ISG20: variants seen among roughly 807,000 people sequenced by gnomAD.
ISG20 encodes interferon-stimulated gene 20 kDa protein.
A neutral mutation model predicts 11.1 loss-of-function variants in ISG20; 8 were observed. The ratio of observed to expected loss-of-function variants is 0.72; its 90% CI spans 0.42 to 1.30. The LOEUF (loss-of-function observed/expected upper bound fraction) is 1.30. Among genes scored for constraint, ISG20 ranks in the 50% most tolerant of loss-of-function variants. ISG20 has a pLI of 0.01. For synonymous variants in ISG20, 110 were observed against 101.7 expected (o/e 1.08, Z -0.49); for missense variants, 243 against 250.2 (o/e 0.97, Z 0.19).
rs1008133944 is a variant in ISG20 at position 88,650,351 on chromosome 15, C to A, written c.229-1759C>A. ...CGAGGCGAGGAACGCGGGGCTGGGG[C>A]AGTCACAGCTGGGCGCCTGGGCTGC... On this transcript the variant is annotated intron_variant, in intron 2 of 3. Transcript: ENST00000306072. This position sits in a 1 kb window ranked among gnomAD's most constrained non-coding sequence, Gnocchi z 4.0. 58 of 1,534,634 alleles carry A rather than the reference C, an allele frequency of 3.8e-5. No homozygotes were observed. The highest frequency in any genetic ancestry group is 5.0e-5 in the Non-Finnish European group (57 of 1,146,514).
Position 88,651,242 on chromosome 15 carries a change from A to C in ISG20, c.229-868A>C, listed in dbSNP as rs73465641. On this transcript the variant is annotated intron_variant, in intron 2 of 3. Coordinates refer to ENST00000306072, the MANE Select transcript of ISG20 (RefSeq NM_002201.6). ...TGGGCATGTCACTCCTCTGCATTTC[A>C]GATATTTCCTTTGTAAAACTCAGTT... 717 of 985,430 alleles carry C rather than the reference A, an allele frequency of 7.3e-4. 10 individuals are homozygous for C. In the African/African-American group the frequency reaches 0.012, roughly 16 times the overall value. 61.0% of individuals were successfully genotyped at this position (985,430 alleles called of 1,614,324 possible).
At chr15:88,640,818 T>C (rs1365146445) in intron 2 of ISG20, among the ~76,000 whole-genome samples, 1 of 151,606 alleles carries the variant, frequency 6.6e-6, no homozygotes, top group African/African-American at 2.4e-5. Flanking sequence ...AGTACAAAAA[T>C]TAGCCGGGCA....
chr15:88,647,522 C>A (rs559926260), intron 2 of ISG20: 31 of 152,220 alleles, frequency 2.0e-4, no homozygotes, highest in African/African-American at 7.0e-4. Flanking sequence ...GGCTAAGAAA[C>A]CCTGGTCTAT....
At chr15:88,642,605 AG>A (rs1305413977) in intron 2 of ISG20, among the ~76,000 whole-genome samples, 1 of 144,668 alleles carries the variant, frequency 6.9e-6, no homozygotes, top group Admixed American at 7.0e-5. Context: ...GAAAGTGTAA[AG>A]TCCACACTGG....
chr15:88,650,546 C>T lies in ISG20; in HGVS notation c.229-1564C>T. The T allele has an allele frequency of 4.4e-6, 5 of 1,140,756 alleles. No individual in the cohort carries two copies. Among genetic ancestry groups the T allele is most frequent in the South Asian group, 1.6e-5 (1 of 61,312 alleles). 70.7% of individuals were successfully genotyped at this position (1,140,756 alleles called of 1,614,324 possible). On this transcript the variant is annotated intron_variant, in intron 2 of 3. Transcript: ENST00000306072. The surrounding 1 kb of genome is among the most constrained non-coding windows in gnomAD (Gnocchi z 4.0). ...TCACACCAAAACTTACCGGTTCAAA[C>T]AATGTCAATACTTATTTCGCTCGGC...
chr15:88,639,443 C>T lies in ISG20; in HGVS notation c.77C>T (p.Ala26Val), dbSNP rs1168718630. 7 of 1,614,124 alleles carry T rather than the reference C, an allele frequency of 4.3e-6. No homozygotes were observed. The highest frequency in any genetic ancestry group is 5.1e-6 in the Non-Finnish European group (6 of 1,180,008). Residue 26 changes from alanine (A) to valine (V), a missense_variant, in exon 2 of 4, where the codon GCT becomes GTT. Physicochemically the swap from Ala to Val is moderately conservative, Grantham distance 64. Coordinates refer to ENST00000306072, the MANE Select transcript of ISG20 (RefSeq NM_002201.6). The surrounding 1 kb of genome is among the most constrained non-coding windows in gnomAD (Gnocchi z 4.2). Reference protein sequence around the residue: ...GLGPHRESGLARCSLVNVHGA... With the variant: ...GLGPHRESGLVRCSLVNVHGA... ...GGGCCCCACCGGGAGAGTGGCCTGGCTCGTTGCAGCCTCGTGAACGTCCAC... is the reference window on the plus strand; with the variant it reads ...GGGCCCCACCGGGAGAGTGGCCTGGTTCGTTGCAGCCTCGTGAACGTCCAC...
At position 88,654,967 on chromosome 15, in the gene ISG20, C is replaced by T. The variant is rs1341278442; in HGVS notation, c.430-448C>T. Among the ~76,000 whole-genome samples, 5 of 152,314 alleles carry T rather than the reference C, an allele frequency of 3.3e-5. No homozygotes were observed. The East Asian group carries it at 9.6e-4, about 29-fold the overall frequency. Reference sequence around the variant, plus strand: ...TCTTATTTTAGCTGCACATGCTCTCCCTGCCTCCGAAATGCTTGCGGCCTT... The same window carrying T: ...TCTTATTTTAGCTGCACATGCTCTCTCTGCCTCCGAAATGCTTGCGGCCTT... On this transcript the variant is annotated intron_variant, in intron 3 of 3. Coordinates refer to ENST00000306072, the MANE Select transcript of ISG20 (RefSeq NM_002201.6).
chr15:88,646,412 G>A (rs944300393), intron 2 of ISG20, among the ~76,000 whole-genome samples: 1 of 152,204 alleles, frequency 6.6e-6, no homozygotes. Context: ...GAGCTGTGGT[G>A]TTCAGATCCC....
At position 88,652,281 on chromosome 15, in the gene ISG20, A is replaced by C. The variant is rs1166351821; in HGVS notation, c.400A>C (p.Ser134Arg). The C allele has an allele frequency of 8.7e-6, 14 of 1,613,316 alleles. No homozygotes were observed. The highest frequency in any genetic ancestry group is 1.0e-5 in the Non-Finnish European group (12 of 1,179,776). ...HCRRVSLRVL[S>R]ERLLHKSIQN... ...CAGGCGTGTCTCCCTGCGGGTGCTGAGTGAGCGCCTCCTACACAAGAGCAT... is the reference window on the plus strand; with the variant it reads ...CAGGCGTGTCTCCCTGCGGGTGCTGCGTGAGCGCCTCCTACACAAGAGCAT... The change falls in exon 3 of 4, where the codon AGT (serine) becomes CGT (arginine). Residue 134 changes from serine (S) to arginine (R), a missense_variant. Coordinates refer to ENST00000306072, the MANE Select transcript of ISG20 (RefSeq NM_002201.6).
At position 88,650,465 on chromosome 15, in the gene ISG20, G is replaced by A. The variant is rs982384294; in HGVS notation, c.229-1645G>A. On this transcript the variant is annotated intron_variant, in intron 2 of 3. Coordinates refer to ENST00000306072, the MANE Select transcript of ISG20 (RefSeq NM_002201.6). This position sits in a 1 kb window ranked among gnomAD's most constrained non-coding sequence, Gnocchi z 4.0. Reference sequence around the variant, plus strand: ...TTCATCCCACTGGCTTCAAGGCCTGGCTTTGCCACTAACTAGCCGTGTGAC... The same window carrying A: ...TTCATCCCACTGGCTTCAAGGCCTGACTTTGCCACTAACTAGCCGTGTGAC... 3.5e-6 allele frequency: 5 copies of A among 1,447,694 alleles called. No homozygotes were observed. Among genetic ancestry groups the A allele is most frequent in the Non-Finnish European group, 3.6e-6 (4 of 1,104,318 alleles). 89.7% of individuals were successfully genotyped at this position (1,447,694 alleles called of 1,614,324 possible).
intron 2 of ISG20, chr15:88,647,126 GT>G (rs2058189439): frequency 6.6e-6 from 1 of 152,412 alleles, no homozygotes; most frequent in Admixed American, 6.5e-5. Context: ...GTAAGGAGTA[GT>G]GAGTGTGCCC....
In ISG20 at chr15:88,643,843, G is replaced by T. The variant is rs772558960; in HGVS notation, c.228+4249G>T. Among the ~76,000 whole-genome samples, 1 of 152,136 alleles carries T rather than the reference G, an allele frequency of 6.6e-6. No homozygotes were observed. The highest frequency in any genetic ancestry group is 1.5e-5 in the Non-Finnish European group (1 of 68,022). On this transcript the variant is annotated intron_variant, in intron 2 of 3. Transcript: ENST00000306072. The surrounding 1 kb of genome is among the most constrained non-coding windows in gnomAD (Gnocchi z 4.4). ...TGGATTTTGGATTTGGGATTTTTTT[G>T]GATTTTGGAATATTTGCATTATACT...
In ISG20 at chr15:88,652,325, G is replaced by A. The variant is rs200899193; in HGVS notation, c.429+15G>A. ...AGAGCATCCAGGTGAGAACCTCCTC[G>A]TCCTTCTCCTCCTCCCCCCTCCTCC... On this transcript the variant is annotated intron_variant, in intron 3 of 3. Transcript: ENST00000306072. 3.1e-3 allele frequency: 4,991 copies of A among 1,595,198 alleles called. 18 individuals carry two copies. Among genetic ancestry groups the A allele is most frequent in the Middle Eastern group, 5.8e-3 (30 of 5,196 alleles).
Position 88,650,674 on chromosome 15 carries a change from TCTGGTGG to T in ISG20, c.229-1429_229-1423del. ...ATTGGAAGGTTTGCTCACCCACCTG[TCTGGTGG>T]CTGGTGCTGGCCTGCCTTGGACACA... On this transcript the variant is annotated intron_variant, in intron 2 of 3. Coordinates refer to ENST00000306072, the MANE Select transcript of ISG20 (RefSeq NM_002201.6). This position sits in a 1 kb window ranked among gnomAD's most constrained non-coding sequence, Gnocchi z 4.0. 1 of 300,752 alleles carries T rather than the reference TCTGGTGG, an allele frequency of 3.3e-6. No homozygotes were observed. The highest frequency in any genetic ancestry group is 4.6e-5 in the Admixed American group (1 of 21,886). 18.6% of individuals were successfully genotyped at this position (300,752 alleles called of 1,614,324 possible).
intron 2 of ISG20, among the ~76,000 whole-genome samples, chr15:88,642,234 C>G (rs2058094162): frequency 6.6e-6 from 1 of 152,106 alleles, no homozygotes; most frequent in African/African-American, 2.4e-5. Context: ...CAGCCAACTT[C>G]CTCTTTTTCA....
intron 2 of ISG20, among the ~76,000 whole-genome samples, chr15:88,645,393 C>G (rs1331710488): frequency 2.6e-5 from 4 of 152,070 alleles, no homozygotes; most frequent in African/African-American, 9.7e-5. Flanking sequence ...GTCCCCTCTC[C>G]GACTTCTCTT....
chr15:88,652,196 C>T lies in ISG20; in HGVS notation c.315C>T (p.Tyr105=), dbSNP rs1283004408. Residue 105 remains tyrosine, a synonymous_variant, in exon 3 of 4, where the codon TAC becomes TAT. Transcript: ENST00000306072. ...CACTGAAAGAGGACATGAGCGGCTA[C>T]ACAATCTACGACACGTCCACTGACA... The part of the protein sequence containing the change: ...FQALKEDMSG[Y]TIYDTSTDRL... 1.1e-5 allele frequency: 17 copies of T among 1,614,094 alleles called. No homozygotes were observed. Among genetic ancestry groups the T allele is most frequent in the South Asian group, 4.4e-5 (4 of 91,090 alleles).
In ISG20 at chr15:88,639,062, C is replaced by T. The variant is rs910008794; in HGVS notation, c.-39C>T. ...CAGAGAGGCAGACGTGAGCTGAGGG[C>T]GCAGAGGCAGGCAGGTGAGAGCGGG... On this transcript the variant is annotated 5_prime_UTR_variant, in exon 1 of 4. Transcript: ENST00000306072. The surrounding 1 kb of genome is among the most constrained non-coding windows in gnomAD (Gnocchi z 4.2). 2 of 493,878 alleles carry T rather than the reference C, an allele frequency of 4.0e-6. No individual in the cohort carries two copies. Among genetic ancestry groups the T allele is most frequent in the South Asian group, 2.6e-5 (1 of 38,472 alleles). The allele number at this position is 493,878 out of a possible 1,614,324, so 30.6% of individuals were successfully genotyped here.
chr15:88,641,365 C>G (rs2058077914), intron 2 of ISG20, among the ~76,000 whole-genome samples: 1 of 152,084 alleles, frequency 6.6e-6, no homozygotes, highest in South Asian at 2.1e-4. Flanking sequence ...GTTAGGGCTG[C>G]CATAACAAAG....
Sources: gnomAD v4.1 joint callset for allele counts (sites outside exome capture counted in the v4.1 genomes callset) on GRCh38, gnomAD v4.1.1 for gene constraint, Gnocchi (gnomAD v3.1) non-coding constraint, MANE v1.5 for transcripts, NCBI Gene and HGNC (gene_info 2026-07-23, HGNC 2026-07-21) for gene names.